Variants in LRRC8D observed in about 807,000 individuals in gnomAD.
LRRC8D encodes leucine rich repeat containing 8 VRAC subunit D.
Under a neutral mutation model 55.8 loss-of-function variants are expected in LRRC8D, and 20 were observed. The ratio of observed to expected loss-of-function variants is 0.36; its 90% CI spans 0.25 to 0.52. The LOEUF is 0.52. LRRC8D is among the 20% of genes least tolerant of loss of function. The pLI is 0.93. For synonymous variants in LRRC8D, 352 were observed against 377.0 expected (o/e 0.93, Z 0.77); for missense variants, 651 against 1,030.8 (o/e 0.63, Z 5.05).
intron 1 of LRRC8D, among the ~76,000 whole-genome samples, chr1:89,838,419 A>G (rs180893314): frequency 1.2e-3 from 190 of 152,292 alleles, no homozygotes; most frequent in African/African-American, 4.4e-3. Flanking sequence ...GAGAATTAAA[A>G]CAATGTTTCA....
intron 2 of LRRC8D, among the ~76,000 whole-genome samples, chr1:89,908,016 T>C (rs949113996): frequency 9.2e-5 from 14 of 152,210 alleles, no homozygotes; most frequent in African/African-American, 3.4e-4. Flanking sequence ...TGTTTTTAAA[T>C]GATGTGAATT....
intron 2 of LRRC8D, among the ~76,000 whole-genome samples, chr1:89,855,064 T>A (rs1170825170): frequency 6.6e-6 from 1 of 152,202 alleles, no homozygotes; most frequent in African/African-American, 2.4e-5. Flanking sequence ...TTTCTCTCTC[T>A]CTCTCTCTGG....
intron 2 of LRRC8D, among the ~76,000 whole-genome samples, chr1:89,862,426 C>T (rs10922737): frequency 0.016 from 2,397 of 152,150 alleles, 31 homozygotes; most frequent in Middle Eastern, 0.054. Flanking sequence ...ATAAGAGATC[C>T]GTCTTTTGTC....
intron 2 of LRRC8D, among the ~76,000 whole-genome samples, chr1:89,887,246 ATTG>A (rs1570858087): frequency 1.3e-5 from 2 of 152,178 alleles, no homozygotes; most frequent in East Asian, 3.9e-4. Context: ...GCCCTTTTTT[ATTG>A]TTTTTATTTT....
At chr1:89,887,495 T>C (rs1662450448) in intron 2 of LRRC8D, among the ~76,000 whole-genome samples, 1 of 152,184 alleles carries the variant, frequency 6.6e-6, no homozygotes, top group Non-Finnish European at 1.5e-5. Flanking sequence ...GTCCTGGTAA[T>C]AGTTTTTTGA....
chr1:89,907,073 A>G (rs1663013383), intron 2 of LRRC8D, among the ~76,000 whole-genome samples: 1 of 151,324 alleles, frequency 6.6e-6, no homozygotes. Flanking sequence ...ATCTGTCAGC[A>G]TTTACTCATG....
chr1:89,896,330 C>G (rs1662712024), intron 2 of LRRC8D, among the ~76,000 whole-genome samples: 1 of 152,036 alleles, frequency 6.6e-6, no homozygotes, highest in Admixed American at 6.5e-5. Context: ...CCTTAGAGAT[C>G]GTGTCGTCTG....
Position 89,935,444 on chromosome 1 carries a change from G to C in LRRC8D, c.2376G>C (p.Glu792Asp), listed in dbSNP as rs1173584092. ...LGQNCITSLP[E>D]KVGQLSQLTQ... ...AGAACTGCATCACCTCACTCCCAGAGAAAGTTGGTCAGCTCTCCCAGCTCA... is the reference window on the plus strand; with the variant it reads ...AGAACTGCATCACCTCACTCCCAGACAAAGTTGGTCAGCTCTCCCAGCTCA... The change falls in exon 3 of 3, where the codon GAG becomes GAC. Residue 792 changes from glutamate (E) to aspartate (D), a missense_variant. Glu to Asp is a conservative substitution (Grantham distance 45, BLOSUM62 2). Coordinates refer to ENST00000337338, the MANE Select transcript of LRRC8D (RefSeq NM_001134479.2). 3 of 1,614,124 alleles carry C rather than the reference G, an allele frequency of 1.9e-6. No individual in the cohort carries two copies. The highest frequency in any genetic ancestry group is 2.5e-6 in the Non-Finnish European group (3 of 1,180,048).
intron 2 of LRRC8D, among the ~76,000 whole-genome samples, chr1:89,878,395 A>G (rs923567633): frequency 6.6e-6 from 1 of 152,236 alleles, no homozygotes; most frequent in Admixed American, 6.5e-5. Flanking sequence ...AGTACATAAT[A>G]TGAGAAGAAA....
intron 1 of LRRC8D, among the ~76,000 whole-genome samples, chr1:89,827,748 G>A (rs1391763565): frequency 2.0e-5 from 3 of 152,158 alleles, no homozygotes; most frequent in Non-Finnish European, 4.4e-5. Flanking sequence ...GTGTGGTTAG[G>A]ATAGGGATTT....
chr1:89,845,801 G>A (rs947634468), intron 2 of LRRC8D, among the ~76,000 whole-genome samples: 19 of 150,930 alleles, frequency 1.3e-4, no homozygotes, highest in South Asian at 2.1e-4. Context: ...TTTTTGAGAC[G>A]GAGGAGTTTT....
chr1:89,834,698 G>T (rs1660965003), intron 1 of LRRC8D, among the ~76,000 whole-genome samples: 1 of 152,200 alleles, frequency 6.6e-6, no homozygotes, highest in African/African-American at 2.4e-5. Context: ...GACTGATTTT[G>T]ACTGGAAAGA....
chr1:89,868,716 C>G (rs1375756224), intron 2 of LRRC8D, among the ~76,000 whole-genome samples: 1 of 152,146 alleles, frequency 6.6e-6, no homozygotes. Flanking sequence ...TTCAGCAAGA[C>G]CAAGTAATTT....
intron 2 of LRRC8D, among the ~76,000 whole-genome samples, chr1:89,919,038 A>G (rs1381274795): frequency 1.3e-5 from 2 of 152,212 alleles, no homozygotes; most frequent in Admixed American, 6.5e-5. Context: ...TTGAAACCCA[A>G]GTGGAGGAAG....
intron 2 of LRRC8D, among the ~76,000 whole-genome samples, chr1:89,866,527 A>G (rs1005960174): frequency 1.3e-5 from 2 of 152,220 alleles, no homozygotes; most frequent in Non-Finnish European, 2.9e-5. Flanking sequence ...TGCTTACAGC[A>G]TTCATAGACT....
rs1663781890 is a variant in LRRC8D, at chr1:89,934,298, A to T, written c.1230A>T (p.Pro410=). 1 of 1,613,968 alleles carries T rather than the reference A, an allele frequency of 6.2e-7. No homozygotes were observed. Among genetic ancestry groups the T allele is most frequent in the African/African-American group, 1.3e-5 (1 of 74,934 alleles). The change falls in exon 3 of 3, where the codon CCA becomes CCT. Residue 410 remains proline (P), a synonymous_variant. Transcript: ENST00000337338. The surrounding 1 kb of genome is among the most constrained non-coding windows in gnomAD (Gnocchi z 5.9). ...AAGAGAGCAGTTTTAGTGACATTCC[A>T]GATGTCAAAAACGATTTTGCGTTCC... The part of the protein sequence containing the change: ...VREESSFSDI[P]DVKNDFAFLL...
intron 2 of LRRC8D, among the ~76,000 whole-genome samples, chr1:89,903,814 G>A (rs568949721): frequency 6.6e-6 from 1 of 152,218 alleles, no homozygotes; most frequent in African/African-American, 2.4e-5. Context: ...TTTCAATCTG[G>A]TGTCTTGAGT....
intron 2 of LRRC8D, among the ~76,000 whole-genome samples, chr1:89,880,279 A>G (rs1385620223): frequency 1.3e-5 from 2 of 151,236 alleles, no homozygotes; most frequent in Non-Finnish European, 2.9e-5. Context: ...TATCTAATCC[A>G]AAAGAAAAAT....
rs114914694 is a variant in LRRC8D at position 89,927,874 on chromosome 1, A to C, written c.-2-5193A>C. 6.2e-3 allele frequency among the ~76,000 whole-genome samples: 942 copies of C among 152,334 alleles called. 5 individuals carry two copies. Among genetic ancestry groups the C allele is most frequent in the South Asian group, 0.013 (65 of 4,828 alleles). ...AAGTTGTATCAGATGTAAAGCCCCTAGTACAGTGCTTGCCACGTGGAAGGA... is the reference window on the plus strand; with the variant it reads ...AAGTTGTATCAGATGTAAAGCCCCTCGTACAGTGCTTGCCACGTGGAAGGA... On this transcript the variant is annotated intron_variant, in intron 2 of 2. Transcript: ENST00000337338.
Sources: gnomAD v4.1 joint callset for allele counts (sites outside exome capture counted in the v4.1 genomes callset) on GRCh38, gnomAD v4.1.1 for gene constraint, Gnocchi (gnomAD v3.1) non-coding constraint, MANE v1.5 for transcripts, NCBI Gene and HGNC (gene_info 2026-07-23, HGNC 2026-07-21) for gene names.